The following LRFN2 variants were observed in gnomAD, a reference collection of about 807,000 sequenced individuals.
LRFN2 encodes leucine rich repeat and fibronectin type III domain containing 2, also known as leucine-rich repeat and fibronectin type-III domain-containing protein 2.
LRFN2 carries 18 observed loss-of-function variants against 37.3 expected under a neutral mutation model. That is an observed-to-expected ratio of 0.48 (90% confidence interval 0.33 to 0.72). LRFN2 has a LOEUF of 0.72. Ranked by LOEUF, LRFN2 falls within the 30% of genes least tolerant of loss-of-function variation. The pLI is 0.02. For missense variants in LRFN2, 1,006 were observed against 1,060.7 expected (o/e 0.95, Z 0.72); for synonymous variants, 556 against 466.6 (o/e 1.19, Z -2.47).
rs760208185 is a variant in LRFN2, at chr6:40,391,980, A to G, written c.2333T>C (p.Phe778Ser). ...CTCCATCACCCATTCGGAGCTGCCAAAAGTCCCCCGGGCCCCCACCAGGTC... is the reference window on the plus strand; with the variant it reads ...CTCCATCACCCATTCGGAGCTGCCAGAAGTCCCCCGGGCCCCCACCAGGTC... ...ESDLVGARGTFGSSEWVMEST... is the reference protein window; with the variant it reads ...ESDLVGARGTSGSSEWVMEST... The change falls in exon 3 of 3, where the codon TTT (phenylalanine) becomes TCT (serine). Residue 778 changes from phenylalanine to serine, a missense_variant. Physicochemically the swap from Phe to Ser is radical, Grantham distance 155 (BLOSUM62 -2). This residue lies in a region of LRFN2 where 398 missense variants were observed against 327.6 expected (regional missense o/e 1.21). Transcript: ENST00000338305. 4 of 1,598,502 alleles carry G rather than the reference A, an allele frequency of 2.5e-6. No individual in the cohort carries two copies. The Admixed American group carries it at 5.1e-5, about 20-fold the overall frequency.
At chr6:40,470,363 G>A (rs1764565510) in intron 1 of LRFN2, among the ~76,000 whole-genome samples, 1 of 152,238 alleles carries the variant, frequency 6.6e-6, no homozygotes, top group South Asian at 2.1e-4. Flanking sequence ...TGTAATCCCA[G>A]CACTTTGGGA....
intron 1 of LRFN2, among the ~76,000 whole-genome samples, chr6:40,527,290 C>T (rs1404016396): frequency 1.3e-5 from 2 of 152,096 alleles, no homozygotes; most frequent in Non-Finnish European, 2.9e-5. Flanking sequence ...AAAGTCATGC[C>T]AGAGAAAGAA....
chr6:40,581,487 C>A (rs1046996991), intron 1 of LRFN2, among the ~76,000 whole-genome samples: 1 of 152,184 alleles, frequency 6.6e-6, no homozygotes, highest in Non-Finnish European at 1.5e-5. Flanking sequence ...GTGCCTTGTG[C>A]TATAGGAGGA....
At chr6:40,494,680 C>T (rs771644089) in intron 1 of LRFN2, among the ~76,000 whole-genome samples, 2 of 152,092 alleles carry the variant, frequency 1.3e-5, no homozygotes, top group South Asian at 4.2e-4. Context: ...CATCCCCTCA[C>T]AAGGCCACAA....
intron 1 of LRFN2, among the ~76,000 whole-genome samples, chr6:40,562,859 AC>A (rs1416304058): frequency 1.1e-4 from 17 of 151,752 alleles, no homozygotes; most frequent in Non-Finnish European, 5.9e-5. Flanking sequence ...ACACACACAC[AC>A]ACACACACAC....
chr6:40,395,668 G>C (rs772447414), intron 2 of LRFN2, among the ~76,000 whole-genome samples: 23 of 152,198 alleles, frequency 1.5e-4, no homozygotes, highest in Non-Finnish European at 2.5e-4. Context: ...CATGCTCTAA[G>C]TGCCCTATGC....
chr6:40,536,011 T>G (rs1433741), intron 1 of LRFN2, among the ~76,000 whole-genome samples: 73,108 of 151,694 alleles, frequency 0.48, 17,927 homozygotes, highest in Middle Eastern at 0.55. Context: ...GCAGGCCCAG[T>G]ATGGAGTCAG....
At chr6:40,525,998 G>A (rs1308552434) in intron 1 of LRFN2, among the ~76,000 whole-genome samples, 1 of 152,228 alleles carries the variant, frequency 6.6e-6, no homozygotes, top group African/African-American at 2.4e-5. Flanking sequence ...GCTGGGAAGA[G>A]GGAGAGAGAA....
intron 1 of LRFN2, among the ~76,000 whole-genome samples, chr6:40,524,304 C>T (rs1766179401): frequency 6.6e-6 from 1 of 152,168 alleles, no homozygotes; most frequent in African/African-American, 2.4e-5. Flanking sequence ...ATAACCAGGA[C>T]AGATCACCTG....
chr6:40,503,339 A>G (rs1561883071), intron 1 of LRFN2, among the ~76,000 whole-genome samples: 2 of 152,202 alleles, frequency 1.3e-5, no homozygotes, highest in Non-Finnish European at 2.9e-5. Flanking sequence ...ACAGCTACTC[A>G]GGAAAACTGA....
chr6:40,568,327 G>T, intron 1 of LRFN2, among the ~76,000 whole-genome samples: 1 of 152,196 alleles, frequency 6.6e-6, no homozygotes, highest in Admixed American at 6.5e-5. Context: ...GGGGAACTGT[G>T]AGTTGGCATG....
chr6:40,445,415 G>A (rs1052176705), intron 1 of LRFN2, among the ~76,000 whole-genome samples: 3 of 152,160 alleles, frequency 2.0e-5, no homozygotes, highest in Admixed American at 6.5e-5. Context: ...AAAAGGAAGT[G>A]GTAAAGAGTT....
intron 1 of LRFN2, among the ~76,000 whole-genome samples, chr6:40,571,714 G>C (rs1344172065): frequency 6.6e-6 from 1 of 152,202 alleles, no homozygotes; most frequent in Admixed American, 6.5e-5. Context: ...TTCTGCTGCC[G>C]TCACCACCAG....
chr6:40,405,007 C>T lies in LRFN2; in HGVS notation c.1401-12095G>A, dbSNP rs2113799954. ...CCAGCCCCTTCCCAAGGCTTGGCCC[C>T]ACTGGCAAAGCTGCCTTGCCTTCCC... On this transcript the variant is annotated intron_variant, in intron 2 of 2. Transcript: ENST00000338305. 2.0e-5 allele frequency among the ~76,000 whole-genome samples: 3 copies of T among 152,348 alleles called. No individual in the cohort carries two copies. In the East Asian group the frequency reaches 5.8e-4, roughly 29 times the overall value.
chr6:40,395,574 A>G (rs1028067714), intron 2 of LRFN2, among the ~76,000 whole-genome samples: 1 of 152,140 alleles, frequency 6.6e-6, no homozygotes, highest in Non-Finnish European at 1.5e-5. Flanking sequence ...CTCAGGGCTA[A>G]TGATGTAAGT....
At position 40,477,454 on chromosome 6, in the gene LRFN2, A is replaced by T. The variant is rs150009291; in HGVS notation, c.-18-44323T>A. Among the ~76,000 whole-genome samples the T allele has an allele frequency of 1.4e-4, 22 of 152,334 alleles. No individual in the cohort carries two copies. In the East Asian group the frequency reaches 4.1e-3, roughly 28 times the overall value. The stretch of plus-strand genomic sequence containing the variant: ...GAGAAAACCAAAACCCAGAGAGGTT[A>T]GGTGTCTTTCACAAGGTCACACAGC... On this transcript the variant is annotated intron_variant, in intron 1 of 2. Coordinates refer to ENST00000338305, the MANE Select transcript of LRFN2 (RefSeq NM_020737.3).
chr6:40,433,547 T>TG (rs1173546989), intron 1 of LRFN2, among the ~76,000 whole-genome samples: 5 of 152,306 alleles, frequency 3.3e-5, no homozygotes, highest in South Asian at 4.1e-4. Context: ...GATGGATGGA[T>TG]GAATGCGATA....
chr6:40,511,736 C>T (rs1319539513), intron 1 of LRFN2, among the ~76,000 whole-genome samples: 9 of 152,028 alleles, frequency 5.9e-5, no homozygotes, highest in Non-Finnish European at 1.3e-4. Context: ...GTGTGGGTGC[C>T]GATGGTGTGC....
chr6:40,561,737 G>A (rs1278381418), intron 1 of LRFN2, among the ~76,000 whole-genome samples: 4 of 152,130 alleles, frequency 2.6e-5, no homozygotes, highest in Admixed American at 6.5e-5. Context: ...CAGGAGCCCC[G>A]CTTAATCCAC....
Sources: gnomAD v4.1 joint callset for allele counts (sites outside exome capture counted in the v4.1 genomes callset) on GRCh38, gnomAD v4.1.1 for gene constraint, gnomAD v4.1.1 regional missense constraint, MANE v1.5 for transcripts, NCBI Gene and HGNC (gene_info 2026-07-23, HGNC 2026-07-21) for gene names.